MSRA: variants seen among roughly 807,000 people sequenced by gnomAD.
MSRA encodes the protein methionine sulfoxide reductase A, also known as mitochondrial peptide methionine sulfoxide reductase.
MSRA carries 54 observed loss-of-function variants against 31.3 expected under a neutral mutation model. The observed-to-expected ratio is 1.73, with a 90% CI of 1.39 to 2.17. The LOEUF is 2.17. Ranked by LOEUF, MSRA falls within the 30% of genes most tolerant of loss-of-function variation. The pLI is 0.00. For missense variants in MSRA, 507 were observed against 300.9 expected (o/e 1.69, Z -5.07); for synonymous variants, 169 against 116.5 (o/e 1.45, Z -2.90).
chr8:10,346,002 C>T (rs997293681), intron 5 of MSRA, among the ~76,000 whole-genome samples: 1 of 152,174 alleles, frequency 6.6e-6, no homozygotes, highest in African/African-American at 2.4e-5. Context: ...TCCATTCCTA[C>T]CTTCCTAGTG....
chr8:10,277,244 T>C (rs115140300), intron 3 of MSRA, among the ~76,000 whole-genome samples: 1,795 of 152,320 alleles, frequency 0.012, 38 homozygotes, highest in African/African-American at 0.041. Flanking sequence ...TACAATAATT[T>C]AGCTAATGAA....
chr8:10,267,825 C>T (rs1293470535), intron 3 of MSRA, among the ~76,000 whole-genome samples: 1 of 152,188 alleles, frequency 6.6e-6, no homozygotes, highest in East Asian at 1.9e-4. Context: ...ACATAATGGG[C>T]CAAAGGTCAT....
chr8:10,282,727 A>G (rs1799688459), intron 3 of MSRA, among the ~76,000 whole-genome samples: 1 of 152,200 alleles, frequency 6.6e-6, no homozygotes. Flanking sequence ...CCAAGTGTCC[A>G]ACACAGGGCT....
At chr8:10,117,877 C>T (rs903965415) in intron 1 of MSRA, among the ~76,000 whole-genome samples, 4 of 152,186 alleles carry the variant, frequency 2.6e-5, no homozygotes, top group African/African-American at 4.8e-5. Flanking sequence ...GAAGAAAAAT[C>T]CTGGGTCCCA....
chr8:10,172,276 C>T (rs927706740), intron 1 of MSRA, among the ~76,000 whole-genome samples: 4 of 152,150 alleles, frequency 2.6e-5, no homozygotes, highest in Admixed American at 2.6e-4. Flanking sequence ...GATTCCAGAT[C>T]AGCAAAGGAA....
intron 1 of MSRA, among the ~76,000 whole-genome samples, chr8:10,204,936 A>G (rs1312689865): frequency 6.6e-6 from 1 of 152,194 alleles, no homozygotes; most frequent in Admixed American, 6.5e-5. Context: ...TCCCTGTACA[A>G]ACAGTGGCAT....
At chr8:10,331,653 C>G (rs1015739288) in intron 5 of MSRA, among the ~76,000 whole-genome samples, 6 of 152,190 alleles carry the variant, frequency 3.9e-5, no homozygotes, top group African/African-American at 1.2e-4. Context: ...TTTACGAATA[C>G]AGTCATCCTT....
intron 1 of MSRA, among the ~76,000 whole-genome samples, chr8:10,183,350 G>A (rs139143056): frequency 6.8e-4 from 104 of 152,256 alleles, no homozygotes; most frequent in African/African-American, 2.4e-3. Flanking sequence ...TACGGCCTCT[G>A]TTTGCCAGGG....
intron 5 of MSRA, among the ~76,000 whole-genome samples, chr8:10,401,604 C>T (rs746493149): frequency 7.2e-5 from 11 of 152,234 alleles, no homozygotes; most frequent in Admixed American, 3.3e-4. Flanking sequence ...CAAACCTGTA[C>T]ACCTGTGTTC....
intron 4 of MSRA, among the ~76,000 whole-genome samples, chr8:10,318,653 T>C (rs1801863797): frequency 6.6e-6 from 1 of 152,170 alleles, no homozygotes; most frequent in Non-Finnish European, 1.5e-5. Flanking sequence ...CAGTCAAATA[T>C]TTCGTTTGTT....
chr8:10,421,930 G>C (rs947003186), intron 5 of MSRA, among the ~76,000 whole-genome samples: 20 of 152,320 alleles, frequency 1.3e-4, no homozygotes, highest in Non-Finnish European at 2.2e-4. Context: ...AGGCAGGCTA[G>C]CTTTCACCCC....
chr8:10,393,526 C>A (rs1435409998), intron 5 of MSRA, among the ~76,000 whole-genome samples: 2 of 152,154 alleles, frequency 1.3e-5, no homozygotes, highest in African/African-American at 2.4e-5. Context: ...ACCGTGTAGG[C>A]ATGGTGTTGT....
At position 10,182,608 on chromosome 8, in the gene MSRA, G is replaced by A. The variant is rs554944316; in HGVS notation, c.143-25225G>A. 3.0e-4 allele frequency among the ~76,000 whole-genome samples: 45 copies of A among 152,174 alleles called. 1 individual carries two copies. The Middle Eastern group carries it at 0.01, about 35-fold the overall frequency. ...TTGTGGGCACATAGTAGGTATTTAT[G>A]GGTTACATGAGATGTTATGATACAA... On this transcript the variant is annotated intron_variant, in intron 1 of 5. Coordinates refer to ENST00000317173, the MANE Select transcript of MSRA (RefSeq NM_012331.5).
At chr8:10,232,383 G>T (rs1343702332) in intron 2 of MSRA, among the ~76,000 whole-genome samples, 1 of 152,180 alleles carries the variant, frequency 6.6e-6, no homozygotes, top group Admixed American at 6.5e-5. Context: ...TAACAGGAGT[G>T]TGCTAGTTAG....
intron 1 of MSRA, among the ~76,000 whole-genome samples, chr8:10,132,593 C>A (rs2129025995): frequency 6.6e-6 from 1 of 152,296 alleles, no homozygotes; most frequent in East Asian, 1.9e-4. Context: ...TACAGGTGGT[C>A]ACCTTCTTGC....
intron 1 of MSRA, among the ~76,000 whole-genome samples, chr8:10,113,098 C>G (rs892571698): frequency 6.6e-6 from 1 of 151,968 alleles, no homozygotes; most frequent in Non-Finnish European, 1.5e-5. Flanking sequence ...CAGTCTTGTT[C>G]ATGGTTTTAT....
intron 2 of MSRA, among the ~76,000 whole-genome samples, chr8:10,228,462 G>A (rs983060194): frequency 3.3e-5 from 5 of 152,176 alleles, no homozygotes; most frequent in Admixed American, 2.0e-4. Context: ...CGAGATCCAC[G>A]TGAACTGCAT....
intron 2 of MSRA, among the ~76,000 whole-genome samples, chr8:10,210,741 T>A (rs1049218793): frequency 1.3e-5 from 2 of 151,746 alleles, no homozygotes. Flanking sequence ...AATGTCATTT[T>A]TTTTTTTTTT....
At chr8:10,243,047 G>C (rs1047283511) in intron 2 of MSRA, among the ~76,000 whole-genome samples, 4 of 152,126 alleles carry the variant, frequency 2.6e-5, no homozygotes, top group Admixed American at 6.6e-5. Context: ...TGTTTTGCTT[G>C]GTTTGGCCAA....
Sources: gnomAD v4.1 joint callset for allele counts (sites outside exome capture counted in the v4.1 genomes callset) on GRCh38, gnomAD v4.1.1 for gene constraint, MANE v1.5 for transcripts, NCBI Gene and HGNC (gene_info 2026-07-23, HGNC 2026-07-21) for gene names.